The following TTC28 variants were observed in gnomAD, a reference collection of about 807,000 sequenced individuals.
The protein encoded by TTC28 is tetratricopeptide repeat protein 28.
In TTC28, 61 loss-of-function variants were observed where a neutral mutation model predicts 198.0. The ratio of observed to expected loss-of-function variants is 0.31; its 90% CI spans 0.25 to 0.38. The LOEUF is 0.38. Among genes scored for constraint, TTC28 ranks in the 10% least tolerant of loss-of-function variants. The pLI is 1.00. For missense variants in TTC28, 2,678 were observed against 3,164.0 expected, an observed-to-expected ratio of 0.85 and a Z score of 3.69; for synonymous variants, 1,171 against 1,297.8, an observed-to-expected ratio of 0.90 and a Z score of 2.10.
Position 28,228,240 on chromosome 22 carries a change from T to C in TTC28, c.934-64641A>G, listed in dbSNP as rs181566498. 4.9e-3 allele frequency among the ~76,000 whole-genome samples: 739 copies of C among 152,174 alleles called. 3 individuals are homozygous for C. Among genetic ancestry groups the C allele is most frequent in the Non-Finnish European group, 6.6e-3 (446 of 68,004 alleles). On this transcript the variant is annotated intron_variant, in intron 5 of 22. Transcript: ENST00000397906. Reference sequence around the variant, plus strand: ...GGAGAATGAGGAGTTGACTGTTTAATAGGCACAAAATTCAAGTTGGGAAAA... The same window carrying C: ...GGAGAATGAGGAGTTGACTGTTTAACAGGCACAAAATTCAAGTTGGGAAAA...
intron 5 of TTC28, among the ~76,000 whole-genome samples, chr22:28,277,877 G>A (rs751795980): frequency 5.3e-5 from 8 of 152,102 alleles, no homozygotes; most frequent in Non-Finnish European, 1.2e-4. Context: ...CCTAGCAGCT[G>A]TTTTGGTGGG....
intron 2 of TTC28, among the ~76,000 whole-genome samples, chr22:28,401,187 A>AG (rs965059311): frequency 2.7e-5 from 4 of 148,336 alleles, no homozygotes; most frequent in South Asian, 4.3e-4. Context: ...AAGGAAAAGG[A>AG]GGGGGGGAGG....
intron 1 of TTC28, among the ~76,000 whole-genome samples, chr22:28,631,732 C>T (rs541892791): frequency 3.9e-5 from 6 of 152,186 alleles, no homozygotes; most frequent in Non-Finnish European, 8.8e-5. Flanking sequence ...CCTCATGTTG[C>T]CGAGGCTGGT....
At chr22:28,089,061 T>C (rs1298184880) in intron 12 of TTC28, among the ~76,000 whole-genome samples, 1 of 152,226 alleles carries the variant, frequency 6.6e-6, no homozygotes, top group Non-Finnish European at 1.5e-5. Flanking sequence ...TTTACACTGT[T>C]GTTGGGACTG....
intron 12 of TTC28, among the ~76,000 whole-genome samples, chr22:28,057,401 T>C (rs1940331443): frequency 6.6e-6 from 1 of 152,162 alleles, no homozygotes; most frequent in South Asian, 2.1e-4. Context: ...ATGCTAGATA[T>C]TTTTTGATGT....
intron 6 of TTC28, among the ~76,000 whole-genome samples, chr22:28,149,921 T>A (rs1329942965): frequency 6.6e-6 from 1 of 152,204 alleles, no homozygotes; most frequent in African/African-American, 2.4e-5. Flanking sequence ...AAATGGTAAG[T>A]AGGTGAGCTG....
chr22:28,362,675 A>T (rs1003729003), intron 2 of TTC28, among the ~76,000 whole-genome samples: 1 of 152,186 alleles, frequency 6.6e-6, no homozygotes, highest in Non-Finnish European at 1.5e-5. Context: ...ATGGACAATG[A>T]AATCCAGGCT....
rs534058324 is a variant in TTC28 at position 28,060,364 on chromosome 22, T to C, written c.3933-29998A>G. ...CATGCGGTGTTTGGTTTTCTGTCCT[T>C]GTGACAGTTGCTCAGAACGATGGTT... On this transcript the variant is annotated intron_variant, in intron 12 of 22. Transcript: ENST00000397906. 3.3e-5 allele frequency among the ~76,000 whole-genome samples: 5 copies of C among 152,292 alleles called. No individual in the cohort carries two copies. The South Asian group carries it at 1.0e-3, about 32-fold the overall frequency.
In TTC28 at chr22:27,993,468, G is replaced by A. The variant is rs1470152779; in HGVS notation, c.5295C>T (p.Tyr1765=). The A allele has an allele frequency of 6.4e-7, 1 of 1,551,566 alleles. No individual in the cohort carries two copies. The highest frequency in any genetic ancestry group is 2.0e-5 in the Admixed American group (1 of 50,996). Residue 1765 remains tyrosine (Y), a synonymous_variant, in exon 18 of 23, where the codon TAC becomes TAT. Coordinates refer to ENST00000397906, the MANE Select transcript of TTC28 (RefSeq NM_001145418.2). The part of the protein sequence containing the change: ...RIQNGQRNAM[Y]TSQQSVENKV... ...TGTTCTCCACACTCTGCTGGGATGT[G>A]TACATGGCATTGCGCTGCCCATTCT...
chr22:28,478,772 G>T (rs940448647), intron 2 of TTC28, among the ~76,000 whole-genome samples: 4 of 152,072 alleles, frequency 2.6e-5, no homozygotes, highest in African/African-American at 9.7e-5. Flanking sequence ...CTTTGCATGT[G>T]CTACTACTCC....
chr22:28,170,963 A>G (rs1045486048), intron 5 of TTC28, among the ~76,000 whole-genome samples: 1 of 146,494 alleles, frequency 6.8e-6, no homozygotes, highest in African/African-American at 2.5e-5. Context: ...GGCCTCTCAC[A>G]TTGCTTGCCA....
intron 6 of TTC28, among the ~76,000 whole-genome samples, chr22:28,111,977 A>G (rs1942492619): frequency 6.6e-6 from 1 of 152,146 alleles, no homozygotes; most frequent in South Asian, 2.1e-4. Flanking sequence ...GAAAGGCACA[A>G]TATAATAGAA....
Position 28,420,667 on chromosome 22 carries a change from T to G in TTC28, c.382-114024A>C, listed in dbSNP as rs1330180045. 2.6e-5 allele frequency among the ~76,000 whole-genome samples: 4 copies of G among 151,658 alleles called. No individual in the cohort carries two copies. In the East Asian group the frequency reaches 7.8e-4, roughly 30 times the overall value. On this transcript the variant is annotated intron_variant, in intron 2 of 22. Coordinates refer to ENST00000397906, the MANE Select transcript of TTC28 (RefSeq NM_001145418.2). ...GGGTGGAGTGCAGTGGCACGCAATC[T>G]CAGCTCACTGCAACCTCCACCTCCT...
At chr22:28,640,199 G>A (rs184647783) in intron 1 of TTC28, among the ~76,000 whole-genome samples, 167 of 150,928 alleles carry the variant, frequency 1.1e-3, no homozygotes, top group African/African-American at 3.8e-3. Context: ...GGTTTAGGCT[G>A]TGGTGAACCG....
chr22:28,425,329 G>C (rs778763458), intron 2 of TTC28, among the ~76,000 whole-genome samples: 3 of 152,182 alleles, frequency 2.0e-5, no homozygotes, highest in Non-Finnish European at 4.4e-5. Flanking sequence ...TTCTGCATGT[G>C]TCAGAAACAA....
chr22:28,334,245 C>CAT (rs2045668013), intron 2 of TTC28, among the ~76,000 whole-genome samples: 2 of 151,968 alleles, frequency 1.3e-5, no homozygotes, highest in Admixed American at 1.3e-4. Flanking sequence ...TTAATCCAGT[C>CAT]TATCATTGAT....
chr22:28,127,901 T>TG (rs1942956487), intron 6 of TTC28, among the ~76,000 whole-genome samples: 1 of 150,898 alleles, frequency 6.6e-6, no homozygotes, highest in Non-Finnish European at 1.5e-5. Flanking sequence ...CTAATTTTTT[T>TG]TTTTTTTTTT....
At chr22:28,412,446 A>G (rs936582636) in intron 2 of TTC28, among the ~76,000 whole-genome samples, 2 of 152,152 alleles carry the variant, frequency 1.3e-5, no homozygotes, top group African/African-American at 4.8e-5. Context: ...CTGGCTCCTA[A>G]AAACCAAAAC....
intron 5 of TTC28, among the ~76,000 whole-genome samples, chr22:28,172,511 G>A (rs888874121): frequency 1.3e-5 from 2 of 152,172 alleles, no homozygotes; most frequent in African/African-American, 2.4e-5. Flanking sequence ...TGATAGCCCT[G>A]GCATCTTCTG....
Sources: allele counts gnomAD v4.1 joint callset (sites outside exome capture counted in the v4.1 genomes callset), GRCh38; gene constraint gnomAD v4.1.1; transcripts MANE v1.5; gene names NCBI Gene and HGNC (gene_info 2026-07-23, HGNC 2026-07-21).